Variants in NTM observed in about 807,000 individuals in gnomAD.
NTM encodes the protein neurotrimin.
In NTM, 13 loss-of-function variants were observed where a neutral mutation model predicts 42.1. The ratio of observed to expected loss-of-function variants is 0.31; its 90% confidence interval spans 0.20 to 0.49. The LOEUF (loss-of-function observed/expected upper bound fraction) is 0.49. Ranked by LOEUF, NTM falls within the 20% of genes least tolerant of loss-of-function variation. The pLI is 0.99. For missense variants in NTM, 373 were observed against 452.8 expected, an observed-to-expected ratio of 0.82 and a Z score of 1.60; for synonymous variants, 187 against 179.2, an observed-to-expected ratio of 1.04 and a Z score of -0.35.
At chr11:132,121,734 C>T (rs868207910) in intron 2 of NTM, among the ~76,000 whole-genome samples, 1 of 152,196 alleles carries the variant, frequency 6.6e-6, no homozygotes, top group Non-Finnish European at 1.5e-5. Flanking sequence ...GTTCCTCCCC[C>T]CTCTCTCGAA....
chr11:132,223,592 G>A (rs1373372323), intron 4 of NTM, among the ~76,000 whole-genome samples: 1 of 152,104 alleles, frequency 6.6e-6, no homozygotes, highest in Non-Finnish European at 1.5e-5. Context: ...AGCTTCATGA[G>A]GGCAGGAAGC....
At chr11:131,500,910 A>G (rs1270534825) in intron 1 of NTM, among the ~76,000 whole-genome samples, 1 of 141,798 alleles carries the variant, frequency 7.1e-6, no homozygotes, top group African/African-American at 2.4e-5. Context: ...TCTACAAAGG[A>G]CATGAACTCA....
intron 4 of NTM, among the ~76,000 whole-genome samples, chr11:132,215,578 A>G (rs1013859722): frequency 2.6e-5 from 4 of 152,200 alleles, no homozygotes; most frequent in African/African-American, 9.6e-5. Context: ...GTAGCACTTT[A>G]TATCAGATAG....
At chr11:131,631,936 C>A (rs915840983) in intron 1 of NTM, among the ~76,000 whole-genome samples, 3 of 151,976 alleles carry the variant, frequency 2.0e-5, no homozygotes, top group Admixed American at 1.3e-4. Context: ...TTATTTATTT[C>A]CGGGGACTTC....
chr11:131,681,097 A>G (rs1372276972), intron 1 of NTM, among the ~76,000 whole-genome samples: 11 of 40,564 alleles, frequency 2.7e-4, no homozygotes, highest in African/African-American at 5.1e-4. Context: ...GTCTGTGTGT[A>G]TGTCTCCCTG....
intron 1 of NTM, among the ~76,000 whole-genome samples, chr11:131,725,274 G>A (rs949023996): frequency 3.3e-5 from 5 of 151,882 alleles, no homozygotes; most frequent in Non-Finnish European, 4.4e-5. Flanking sequence ...GAACAAAATA[G>A]AAAAATATAA....
chr11:132,079,668 C>G (rs898008127), intron 2 of NTM, among the ~76,000 whole-genome samples: 11 of 152,328 alleles, frequency 7.2e-5, no homozygotes, highest in African/African-American at 2.6e-4. Flanking sequence ...CAGACCTTCA[C>G]ATTCTTGATG....
intron 1 of NTM, among the ~76,000 whole-genome samples, chr11:131,625,943 A>T (rs137929650): frequency 6.6e-6 from 1 of 152,282 alleles, no homozygotes; most frequent in East Asian, 1.9e-4. Context: ...AATATGCTAC[A>T]CATTATTTTA....
chr11:132,012,445 A>T (rs1319540519), intron 2 of NTM, among the ~76,000 whole-genome samples: 1 of 152,184 alleles, frequency 6.6e-6, no homozygotes, highest in African/African-American at 2.4e-5. Flanking sequence ...AAATTAGCAC[A>T]GTCTGAAATA....
intron 1 of NTM, among the ~76,000 whole-genome samples, chr11:131,392,743 G>A (rs1453312839): frequency 6.6e-6 from 1 of 152,170 alleles, no homozygotes; most frequent in Non-Finnish European, 1.5e-5. Flanking sequence ...GAATCTACAT[G>A]CACTCCTCCT....
At chr11:131,589,537 T>C (rs939774510) in intron 1 of NTM, among the ~76,000 whole-genome samples, 1 of 152,180 alleles carries the variant, frequency 6.6e-6, no homozygotes, top group Non-Finnish European at 1.5e-5. Context: ...TTCTTACACA[T>C]GATGATGAAA....
chr11:132,094,387 A>G (rs1484065719), intron 2 of NTM, among the ~76,000 whole-genome samples: 1 of 152,130 alleles, frequency 6.6e-6, no homozygotes, highest in Non-Finnish European at 1.5e-5. Context: ...TTCCTATGAC[A>G]GACCTTCAGA....
Position 132,310,181 on chromosome 11 carries a change from A to AAGCCTC in NTM, c.735_740dup (p.Ser246_Ala247dup). ...GGACAAAAGGGGACACTGCAGTGTGAAGCCTCAGCAGTCCCCTCAGCAGAA... is the reference window on the plus strand; with the variant it reads ...GGACAAAAGGGGACACTGCAGTGTGAAGCCTCAGCCTCAGCAGTCCCCTCAGCAGAA... On this transcript the variant is annotated inframe_insertion, in exon 6 of 9. Coordinates refer to ENST00000683400, the MANE Select transcript of NTM (RefSeq NM_001352005.2). 1 of 1,610,958 alleles carries AAGCCTC rather than the reference A, an allele frequency of 6.2e-7. No individual in the cohort carries two copies. The highest frequency in any genetic ancestry group is 8.5e-7 in the Non-Finnish European group (1 of 1,178,670).
intron 4 of NTM, among the ~76,000 whole-genome samples, chr11:132,299,199 G>A (rs1320140947): frequency 1.3e-5 from 2 of 152,154 alleles, no homozygotes; most frequent in African/African-American, 2.4e-5. Context: ...GGAGGCTGAG[G>A]CAGGAGAATA....
At chr11:132,237,717 G>A (rs970817787) in intron 4 of NTM, among the ~76,000 whole-genome samples, 2 of 152,174 alleles carry the variant, frequency 1.3e-5, no homozygotes, top group Admixed American at 6.5e-5. Flanking sequence ...TAAATCAGAA[G>A]CAGGGCAAGT....
At chr11:131,981,998 C>T (rs186010482) in intron 2 of NTM, among the ~76,000 whole-genome samples, 45 of 151,636 alleles carry the variant, frequency 3.0e-4, no homozygotes, top group East Asian at 5.8e-4. Flanking sequence ...GGTGACAGAG[C>T]GGGACTCCAT....
chr11:131,650,291 C>G (rs1489954058), intron 1 of NTM, among the ~76,000 whole-genome samples: 7 of 152,190 alleles, frequency 4.6e-5, no homozygotes, highest in Non-Finnish European at 4.4e-5. Context: ...GGGGTACATC[C>G]TCACAGGTGT....
At chr11:131,695,510 G>A (rs2075340168) in intron 1 of NTM, among the ~76,000 whole-genome samples, 1 of 152,156 alleles carries the variant, frequency 6.6e-6, no homozygotes, top group Admixed American at 6.5e-5. Flanking sequence ...GATTTTCCAG[G>A]AAATGAGGTT....
chr11:131,402,521 A>G (rs560353847), intron 1 of NTM, among the ~76,000 whole-genome samples: 1 of 152,264 alleles, frequency 6.6e-6, no homozygotes, highest in Non-Finnish European at 1.5e-5. Context: ...AGTCACACAG[A>G]AGATGGACCA....
Sources: allele counts gnomAD v4.1 joint callset (sites outside exome capture counted in the v4.1 genomes callset), GRCh38; gene constraint gnomAD v4.1.1; transcripts MANE v1.5; gene names NCBI Gene and HGNC (gene_info 2026-07-23, HGNC 2026-07-21).